Variants in ITIH5 observed in about 807,000 individuals in gnomAD.
ITIH5 encodes the protein inter-alpha-trypsin inhibitor heavy chain 5.
In ITIH5, 65 loss-of-function variants were observed where a neutral mutation model predicts 77.5. The ratio of observed to expected loss-of-function variants is 0.84; its 90% confidence interval spans 0.69 to 1.03. ITIH5 has a LOEUF of 1.03. ITIH5 is among the 50% of genes least tolerant of loss of function. The pLI is 0.00. For missense variants in ITIH5, 1,208 were observed against 1,213.1 expected (o/e 1.00, Z 0.06); for synonymous variants, 525 against 494.3 (o/e 1.06, Z -0.82).
chr10:7,562,917 C>CA lies in ITIH5; in HGVS notation c.*165_*166insT. 1.6e-6 allele frequency: 1 copy of CA among 625,040 alleles called. No homozygotes were observed. Among genetic ancestry groups the CA allele is most frequent in the African/African-American group, 1.8e-5 (1 of 54,844 alleles). The allele number at this position is 625,040 out of a possible 1,614,324, so 38.7% of individuals were successfully genotyped here. A position where few individuals can be genotyped will look rare whatever the true frequency, so the allele number is the denominator to read the frequency against. On this transcript the variant is annotated 3_prime_UTR_variant, in exon 14 of 14. Coordinates refer to ENST00000397146, the MANE Select transcript of ITIH5 (RefSeq NM_030569.7). ...TCAGGCTTCCCGCCCCTACCCACCC[C>CA]TACCCTTCGCCCAGACAGACGTCGG... is the stretch of plus-strand genomic sequence containing the variant.
In ITIH5 at chr10:7,560,895, C is replaced by A. The variant is rs1349144034; in HGVS notation, c.*2188G>T. 1.3e-5 allele frequency: 2 copies of A among 152,042 alleles called. No homozygotes were observed. Among genetic ancestry groups the A allele is most frequent in the African/African-American group, 4.8e-5 (2 of 41,382 alleles). 9.4% of individuals were successfully genotyped at this position (152,042 alleles called of 1,614,324 possible). ...AGTATGTTGTATGACTTGGCAAAAA[C>A]CACTCCACGGCACTCTCTGCCTCAG... On this transcript the variant is annotated 3_prime_UTR_variant, in exon 14 of 14. Transcript: ENST00000397146.
intron 5 of ITIH5, among the ~76,000 whole-genome samples, chr10:7,622,910 C>T (rs1833497121): frequency 6.6e-6 from 1 of 152,186 alleles, no homozygotes; most frequent in Non-Finnish European, 1.5e-5. Context: ...TTAAATATTC[C>T]TATGTCTGAT....
In ITIH5 at chr10:7,562,669, G is replaced by C. The variant is rs1832059727; in HGVS notation, c.*414C>G. 1 of 208,576 alleles carries C rather than the reference G, an allele frequency of 4.8e-6. No homozygotes were observed. Among genetic ancestry groups the C allele is most frequent in the Non-Finnish European group, 9.8e-6 (1 of 101,908 alleles). 12.9% of individuals were successfully genotyped at this position (208,576 alleles called of 1,614,324 possible). On this transcript the variant is annotated 3_prime_UTR_variant, in exon 14 of 14. Coordinates refer to ENST00000397146, the MANE Select transcript of ITIH5 (RefSeq NM_030569.7). ...TCTAAGCATTAGTGTAAGGCAAAAAGCAGAGTGCCTAAACTTGTCCATTTC... is the reference window on the plus strand; with the variant it reads ...TCTAAGCATTAGTGTAAGGCAAAAACCAGAGTGCCTAAACTTGTCCATTTC...
chr10:7,636,806 C>A (rs1564273253), intron 5 of ITIH5, among the ~76,000 whole-genome samples: 1 of 152,058 alleles, frequency 6.6e-6, no homozygotes. Flanking sequence ...GTAATCCCAG[C>A]ACTTTGGGAG....
At chr10:7,573,384 G>A (rs2130951147) in intron 10 of ITIH5, among the ~76,000 whole-genome samples, 189 bp from the exon 11 acceptor site, 1 of 151,970 alleles carries the variant, frequency 6.6e-6, no homozygotes, top group Admixed American at 6.6e-5. Flanking sequence ...CACACAAGCA[G>A]AGCCAGGCAT....
Position 7,642,198 on chromosome 10 carries a change from G to A in ITIH5, c.136-108C>T, listed in dbSNP as rs1374699011. 4.7e-6 allele frequency: 4 copies of A among 847,650 alleles called. No homozygotes were observed. In the East Asian group the frequency reaches 1.1e-4, roughly 23 times the overall value. The allele number at this position is 847,650 out of a possible 1,614,324, so 52.5% of individuals were successfully genotyped here. A position where few individuals can be genotyped will look rare whatever the true frequency, so the allele number is the denominator to read the frequency against. On this transcript the variant is annotated intron_variant, in intron 2 of 13. Transcript: ENST00000397146. ...AAGGGAAATAATCTTCAGTTTGGGA[G>A]CCTTTGGCATGTGATTCCAATTTCC...
intron 7 of ITIH5, among the ~76,000 whole-genome samples, chr10:7,591,065 T>C (rs1016568159): frequency 6.6e-6 from 1 of 152,152 alleles, no homozygotes; most frequent in Admixed American, 6.5e-5. Flanking sequence ...CTCAGCTAAT[T>C]TTTTCTATTT....
chr10:7,567,907 C>G (rs944774431), intron 12 of ITIH5, among the ~76,000 whole-genome samples: 3 of 152,182 alleles, frequency 2.0e-5, no homozygotes, highest in African/African-American at 7.2e-5. Flanking sequence ...ATTTCCTTAT[C>G]TGTAAAATGG....
chr10:7,564,983 G>A (rs983969125), intron 13 of ITIH5, among the ~76,000 whole-genome samples: 2 of 127,886 alleles, frequency 1.6e-5, no homozygotes, highest in Non-Finnish European at 3.1e-5. Flanking sequence ...ATACACACAC[G>A]TTCATACATA....
At chr10:7,600,749 G>A (rs1218478049) in intron 7 of ITIH5, among the ~76,000 whole-genome samples, 2 of 152,160 alleles carry the variant, frequency 1.3e-5, no homozygotes, top group African/African-American at 4.8e-5. Flanking sequence ...GGGGACTTTA[G>A]GAGGTAATTA....
rs1289590153 is a variant in ITIH5 at position 7,641,650 on chromosome 10, AAGGG to A, written c.299+273_299+276del. 7.4e-3 allele frequency among the ~76,000 whole-genome samples: 614 copies of A among 83,068 alleles called. 10 individuals carry two copies. The highest frequency in any genetic ancestry group is 0.041 in the East Asian group (94 of 2,318). The allele number at this position is 83,068 out of a possible 152,430, so 54.5% of individuals were successfully genotyped here. On this transcript the variant is annotated intron_variant, in intron 3 of 13. Transcript: ENST00000397146. Reference sequence around the variant, plus strand: ...GGGAAGGAAAGAAAAGGAAGGAAGGAAGGGAGGGAGGGAGGGAGGGAGGCAGGGA... The same window carrying A: ...GGGAAGGAAAGAAAAGGAAGGAAGGAAGGGAGGGAGGGAGGGAGGCAGGGA...
At position 7,611,730 on chromosome 10, in the gene ITIH5, T is replaced by C. The variant is rs562719702; in HGVS notation, c.939+4252A>G. ...TAATGATACACTTACTTCTTTTTCC[T>C]GCATGCAATTTTCTAGTGTTTTGTT... On this transcript the variant is annotated intron_variant, in intron 7 of 13. Transcript: ENST00000397146. Among the ~76,000 whole-genome samples the C allele has an allele frequency of 3.3e-4, 51 of 152,278 alleles. 1 individual carries two copies. Among genetic ancestry groups the C allele is most frequent in the Middle Eastern group, 3.4e-3 (1 of 294 alleles).
chr10:7,626,384 A>T (rs1271888944), intron 5 of ITIH5, among the ~76,000 whole-genome samples: 1 of 152,268 alleles, frequency 6.6e-6, no homozygotes, highest in Non-Finnish European at 1.5e-5. Flanking sequence ...ATGGATTTTC[A>T]TATTGGATTA....
At chr10:7,565,425 CATAT>C (rs1832130065) in intron 13 of ITIH5, among the ~76,000 whole-genome samples, 1 of 149,786 alleles carries the variant, frequency 6.7e-6, no homozygotes, top group Non-Finnish European at 1.5e-5. Context: ...AGTATACATA[CATAT>C]ATACACATAG....
chr10:7,658,954 C>A (rs923628703), intron 1 of ITIH5, among the ~76,000 whole-genome samples: 2 of 152,182 alleles, frequency 1.3e-5, no homozygotes, highest in Non-Finnish European at 2.9e-5. Context: ...CTGAACCAGT[C>A]TTTCAGGTTA....
chr10:7,630,357 TG>T (rs1437265897), intron 5 of ITIH5, among the ~76,000 whole-genome samples: 1 of 152,268 alleles, frequency 6.6e-6, no homozygotes, highest in African/African-American at 2.4e-5. Context: ...TGCCAGATCT[TG>T]GGTCTTGCTA....
At chr10:7,628,479 T>A (rs1206312698) in intron 5 of ITIH5, among the ~76,000 whole-genome samples, 1 of 152,184 alleles carries the variant, frequency 6.6e-6, no homozygotes, top group African/African-American at 2.4e-5. Flanking sequence ...TGCTGCGGCA[T>A]GTGTCTGTGT....
rs1187968222 is a variant in ITIH5, at chr10:7,628,719, GCGTGTGTC to G, written c.652+8501_652+8508del. On this transcript the variant is annotated intron_variant, in intron 5 of 13. Coordinates refer to ENST00000397146, the MANE Select transcript of ITIH5 (RefSeq NM_030569.7). ...TGTTGCAGCGTGTGTCCATGTTGTA[GCGTGTGTC>G]CATGTTGCAGCGTGTGTCCATGTTG... is the stretch of plus-strand genomic sequence containing the variant. Among the ~76,000 whole-genome samples, 16 of 121,826 alleles carry G rather than the reference GCGTGTGTC, an allele frequency of 1.3e-4. 4 individuals are homozygous for G. The highest frequency in any genetic ancestry group is 2.4e-4 in the Non-Finnish European group (15 of 62,000). 79.9% of individuals were successfully genotyped at this position (121,826 alleles called of 152,430 possible). A position where few individuals can be genotyped will look rare whatever the true frequency, so the allele number is the denominator to read the frequency against.
chr10:7,635,384 C>G (rs867524163), intron 5 of ITIH5, among the ~76,000 whole-genome samples: 1 of 152,202 alleles, frequency 6.6e-6, no homozygotes, highest in South Asian at 2.1e-4. Flanking sequence ...GTCTTACAGC[C>G]TTGCATTTTT....
Sources: gnomAD v4.1 joint callset for allele counts (sites outside exome capture counted in the v4.1 genomes callset) on GRCh38, gnomAD v4.1.1 for gene constraint, MANE v1.5 for transcripts, NCBI Gene and HGNC (gene_info 2026-07-23, HGNC 2026-07-21) for gene names.